The following SLC2A9 variants were observed in gnomAD, a reference collection of about 807,000 sequenced individuals.
SLC2A9 encodes solute carrier family 2 member 9.
In SLC2A9, 39 loss-of-function variants were observed where a neutral mutation model predicts 50.6. The observed-to-expected ratio is 0.77, with a 90% confidence interval of 0.60 to 1.01. The LOEUF is 1.01. SLC2A9 is among the 50% of genes least tolerant of loss of function. The pLI is 0.00. For synonymous variants in SLC2A9, 324 were observed against 276.9 expected, an observed-to-expected ratio of 1.17 and a Z score of -1.69; for missense variants, 686 against 677.6, an observed-to-expected ratio of 1.01 and a Z score of -0.14.
intron 8 of SLC2A9, among the ~76,000 whole-genome samples, chr4:9,901,678 C>CG (rs1162422988): frequency 1.2e-4 from 18 of 152,082 alleles, no homozygotes; most frequent in Non-Finnish European, 2.2e-4. Flanking sequence ...CCATGCCCCC[C>CG]CACCAGCCCC....
chr4:9,826,506 C>T lies in SLC2A9; in HGVS notation c.1514G>A (p.Arg505Lys), dbSNP rs202241568. Residue 505 changes from arginine (R) to lysine (K), a missense_variant, in exon 12 of 12, where the codon AGA (arginine) becomes AAA (lysine). Coordinates refer to ENST00000264784, the MANE Select transcript of SLC2A9 (RefSeq NM_020041.3). ...LYFVLPETKN[R>K]TYAEISQAFS... ...TGCCTGGCTGATTTCTGCATAGGTT[C>T]TGTTTTTGGTCTCAGGCAGCACAAA... The T allele has an allele frequency of 1.9e-6, 3 of 1,613,726 alleles. No homozygotes were observed. Among genetic ancestry groups the T allele is most frequent in the Non-Finnish European group, 2.5e-6 (3 of 1,179,830 alleles).
At chr4:10,027,858 T>A (rs1348131307) in intron 1 of SLC2A9, among the ~76,000 whole-genome samples, 5 of 152,116 alleles carry the variant, frequency 3.3e-5, no homozygotes, top group Non-Finnish European at 1.5e-5. Context: ...GCATTCAAAT[T>A]CTCCTCTTGT....
intron 11 of SLC2A9, among the ~76,000 whole-genome samples, chr4:9,828,170 TTCTC>T (rs141839893): frequency 6.8e-4 from 104 of 151,886 alleles, no homozygotes; most frequent in East Asian, 5.6e-3. Flanking sequence ...CAGGCTGAGC[TTCTC>T]TCTCTCTCTC....
intron 8 of SLC2A9, among the ~76,000 whole-genome samples, chr4:9,896,633 G>T (rs549728897): frequency 6.6e-6 from 1 of 152,240 alleles, no homozygotes; most frequent in Admixed American, 6.5e-5. Context: ...TTGAAAAATG[G>T]TTTGTGATTC....
chr4:9,879,741 A>G (rs1734893461), intron 10 of SLC2A9: 3 of 985,344 alleles, frequency 3.0e-6, no homozygotes, highest in Non-Finnish European at 3.6e-6. Context: ...TGCCAGGCAC[A>G]GAGTCAGGGC....
intron 2 of SLC2A9, among the ~76,000 whole-genome samples, chr4:10,017,698 G>A (rs1189984296): frequency 6.6e-6 from 1 of 152,184 alleles, no homozygotes; most frequent in Non-Finnish European, 1.5e-5. Context: ...AGCCTGGAAG[G>A]CACCCAGGGC....
chr4:9,799,698 C>CCCCA (rs1553813272), intron 3 of SLC2A9, among the ~76,000 whole-genome samples: 2 of 71,582 alleles, frequency 2.8e-5, no homozygotes, highest in East Asian at 3.6e-4. Flanking sequence ...TTGTACCCCC[C>CCCCA]CCCCACCCAA....
chr4:9,953,867 C>T (rs542458005), intron 5 of SLC2A9, among the ~76,000 whole-genome samples: 6 of 152,162 alleles, frequency 3.9e-5, no homozygotes, highest in East Asian at 1.9e-4. Flanking sequence ...TGGAGTGCAA[C>T]GGCAACATCT....
In SLC2A9 at chr4:9,833,458, T is replaced by C. The variant is rs528208843; in HGVS notation, c.1419+1423A>G. Among the ~76,000 whole-genome samples, 31 of 152,280 alleles carry C rather than the reference T, an allele frequency of 2.0e-4. 1 individual carries two copies. The highest frequency in any genetic ancestry group is 1.4e-3 in the Admixed American group (22 of 15,304). On this transcript the variant is annotated intron_variant, in intron 11 of 11. Coordinates refer to ENST00000264784, the MANE Select transcript of SLC2A9 (RefSeq NM_020041.3). Reference sequence around the variant, plus strand: ...GACTGTGGGACCTGGGCTGACCATGTCTGCTTCCTGGACCTCCTTGCCTGT... The same window carrying C: ...GACTGTGGGACCTGGGCTGACCATGCCTGCTTCCTGGACCTCCTTGCCTGT...
chr4:9,774,675 T>C (rs146922917), intron 1 of SLC2A9, among the ~76,000 whole-genome samples: 95 of 152,340 alleles, frequency 6.2e-4, no homozygotes, highest in African/African-American at 1.7e-3. Context: ...TGCCTGAATT[T>C]TGAGGTCCAA....
chr4:9,833,380 G>A (rs960347827), intron 11 of SLC2A9, among the ~76,000 whole-genome samples: 1 of 152,174 alleles, frequency 6.6e-6, no homozygotes, highest in African/African-American at 2.4e-5. Context: ...AGTGATGGAT[G>A]GAGAGGGAAG....
At chr4:10,029,427 C>T (rs2109588379) in intron 1 of SLC2A9, 1 of 152,240 alleles carries the variant, frequency 6.6e-6, no homozygotes, top group Admixed American at 6.5e-5. Flanking sequence ...CCTTAGCTAT[C>T]CTTTTTACTT....
intron 3 of SLC2A9, among the ~76,000 whole-genome samples, chr4:9,805,975 C>T (rs145301133): frequency 5.5e-4 from 83 of 152,274 alleles, no homozygotes; most frequent in Non-Finnish European, 8.5e-4. Context: ...ACAGCAAGTA[C>T]GCGGTGGAGC....
At chr4:9,850,195 G>A (rs1394763401) in intron 10 of SLC2A9, among the ~76,000 whole-genome samples, 1 of 152,140 alleles carries the variant, frequency 6.6e-6, no homozygotes, top group Admixed American at 6.5e-5. Context: ...AACAGGTGAG[G>A]AATGGCCCGC....
chr4:9,997,691 C>A (rs1364620306), intron 2 of SLC2A9, among the ~76,000 whole-genome samples: 1 of 151,494 alleles, frequency 6.6e-6, no homozygotes, highest in Non-Finnish European at 1.5e-5. Flanking sequence ...CAGAGTGACA[C>A]CCTGTCTCAA....
chr4:9,795,674 T>C (rs1720506720), downstream of SLC2A9, among the ~76,000 whole-genome samples: 1 of 152,194 alleles, frequency 6.6e-6, no homozygotes, highest in Non-Finnish European at 1.5e-5. Context: ...CAAAAAAGAC[T>C]AAAGTCTTAA....
intron 8 of SLC2A9, among the ~76,000 whole-genome samples, chr4:9,898,475 T>C (rs993730281): frequency 1.3e-5 from 2 of 152,216 alleles, no homozygotes; most frequent in African/African-American, 4.8e-5. Context: ...TTGTCTATAT[T>C]GTATTCAATG....
chr4:9,894,704 A>C (rs1738193148), intron 8 of SLC2A9, among the ~76,000 whole-genome samples: 1 of 152,218 alleles, frequency 6.6e-6, no homozygotes, highest in East Asian at 1.9e-4. Context: ...GCCAAAAGTT[A>C]AGCTGTTGCT....
chr4:9,994,822 G>A (rs897347189), intron 3 of SLC2A9, among the ~76,000 whole-genome samples: 1 of 151,972 alleles, frequency 6.6e-6, no homozygotes, highest in African/African-American at 2.4e-5. Context: ...CCACGGTCAG[G>A]TATAAAGCAA....
Sources: gnomAD v4.1 joint callset for allele counts (sites outside exome capture counted in the v4.1 genomes callset) on GRCh38, gnomAD v4.1.1 for gene constraint, MANE v1.5 for transcripts, NCBI Gene and HGNC (gene_info 2026-07-23, HGNC 2026-07-21) for gene names.